LMNTD1: variants seen among roughly 807,000 people sequenced by gnomAD.
LMNTD1 encodes lamin tail domain containing 1.
Under a neutral mutation model 50.9 loss-of-function variants are expected in LMNTD1, and 35 were observed. The ratio of observed to expected loss-of-function variants is 0.69; its 90% confidence interval spans 0.53 to 0.91. The LOEUF (loss-of-function observed/expected upper bound fraction) is 0.91. LMNTD1 is among the 40% of genes least tolerant of loss of function. LMNTD1 has a pLI of 0.00. For synonymous variants in LMNTD1, 153 were observed against 161.9 expected (o/e 0.94, Z 0.42); for missense variants, 470 against 475.5 (o/e 0.99, Z 0.11).
chr12:25,615,322 A>T (rs745432239), intron 1 of LMNTD1, among the ~76,000 whole-genome samples: 18 of 152,168 alleles, frequency 1.2e-4, no homozygotes, highest in Admixed American at 2.6e-4. Context: ...AGAGTGTGTG[A>T]GGTAATTCAG....
intron 1 of LMNTD1, among the ~76,000 whole-genome samples, chr12:25,644,935 G>A (rs1419527121): frequency 6.6e-6 from 1 of 152,190 alleles, no homozygotes; most frequent in Non-Finnish European, 1.5e-5. Context: ...CTTTTTCAAT[G>A]AAGTATGAGT....
intron 1 of LMNTD1, among the ~76,000 whole-genome samples, chr12:25,579,043 C>T (rs186313960): frequency 6.0e-4 from 91 of 152,164 alleles, no homozygotes; most frequent in African/African-American, 1.8e-3. Context: ...AAAGCACTAA[C>T]CTAATCCATG....
At chr12:25,552,725 G>A (rs911775341) in intron 2 of LMNTD1, 146 bp downstream of exon 2, 7 of 621,222 alleles carry the variant, frequency 1.1e-5, no homozygotes, top group Non-Finnish European at 2.0e-5. Context: ...GTATGCTACA[G>A]TCCATTATTT....
At chr12:25,615,658 A>G (rs957462080) in intron 1 of LMNTD1, among the ~76,000 whole-genome samples, 6 of 152,020 alleles carry the variant, frequency 3.9e-5, no homozygotes, top group African/African-American at 1.4e-4. Flanking sequence ...ACAGGGTTTC[A>G]ACATGTTGCC....
At chr12:25,567,578 G>T (rs1336305131) in intron 1 of LMNTD1, among the ~76,000 whole-genome samples, 2 of 152,182 alleles carry the variant, frequency 1.3e-5, no homozygotes, top group East Asian at 1.9e-4. Context: ...GGATCATGGG[G>T]ATTGGTCCCT....
At position 25,518,957 on chromosome 12, in the gene LMNTD1, T is replaced by C; in HGVS notation, c.1027A>G (p.Ile343Val). 6.2e-7 allele frequency: 1 copy of C among 1,614,036 alleles called. No individual in the cohort carries two copies. ...AQVLLKREKE[I>V]PPTVFPNRSP... Reference sequence around the variant, plus strand: ...CGATTAGGGAAAACGGTTGGTGGGATTTCCTTCTCTCTGTAAAAGAAAAAA... The same window carrying C: ...CGATTAGGGAAAACGGTTGGTGGGACTTCCTTCTCTCTGTAAAAGAAAAAA... Residue 343 changes from isoleucine to valine, a missense_variant, in exon 8 of 10, where the codon ATC becomes GTC. Physicochemically the swap from Ile to Val is conservative, Grantham distance 29 (BLOSUM62 3). Coordinates refer to ENST00000458174, the MANE Select transcript of LMNTD1 (RefSeq NM_001145728.2).
intron 1 of LMNTD1, among the ~76,000 whole-genome samples, chr12:25,591,012 G>A (rs1335935212): frequency 1.3e-5 from 2 of 152,188 alleles, no homozygotes; most frequent in Non-Finnish European, 1.5e-5. Context: ...TGGCTACAGA[G>A]TGAGACTCCT....
chr12:25,518,130 T>C (rs182861826), intron 8 of LMNTD1, among the ~76,000 whole-genome samples: 1 of 152,308 alleles, frequency 6.6e-6, no homozygotes, highest in East Asian at 1.9e-4. Flanking sequence ...ATTGCTGGTG[T>C]ACTAAACAGG....
intron 1 of LMNTD1, among the ~76,000 whole-genome samples, chr12:25,648,173 T>G (rs1947113761): frequency 6.6e-6 from 1 of 152,232 alleles, no homozygotes; most frequent in African/African-American, 2.4e-5. Flanking sequence ...ATACCTCTTT[T>G]TACACACTAA....
chr12:25,590,010 A>G (rs1420944072), intron 1 of LMNTD1, among the ~76,000 whole-genome samples: 2 of 152,172 alleles, frequency 1.3e-5, no homozygotes, highest in Admixed American at 1.3e-4. Flanking sequence ...AGAAGTTTCC[A>G]CCAATCATGC....
chr12:25,622,677 G>A lies in LMNTD1; in HGVS notation c.58+25817C>T, dbSNP rs142264133. ...TGCCAGTCACAGTCCTACAAAAGAC[G>A]TGACAGCAAATGTATAGTGTCCAAC... On this transcript the variant is annotated intron_variant, in intron 1 of 7. Coordinates refer to the LMNTD1 transcript ENST00000445693. 9.5e-4 allele frequency among the ~76,000 whole-genome samples: 144 copies of A among 152,198 alleles called. 1 individual carries two copies. Among genetic ancestry groups the A allele is most frequent in the Middle Eastern group, 3.4e-3 (1 of 294 alleles).
intron 1 of LMNTD1, among the ~76,000 whole-genome samples, chr12:25,642,705 A>G (rs1199127815): frequency 6.6e-6 from 1 of 152,234 alleles, no homozygotes; most frequent in Non-Finnish European, 1.5e-5. Context: ...AAAATCTTTT[A>G]ATCTCTTTTA....
At chr12:25,559,191 C>T (rs552374335) in intron 1 of LMNTD1, among the ~76,000 whole-genome samples, 256 of 152,078 alleles carry the variant, frequency 1.7e-3, no homozygotes, top group African/African-American at 6.0e-3. Context: ...GCTATACCTC[C>T]CCCCTGCCCC....
At chr12:25,533,563 T>C (rs1158062354) in intron 4 of LMNTD1, among the ~76,000 whole-genome samples, 1 of 152,218 alleles carries the variant, frequency 6.6e-6, no homozygotes, top group East Asian at 1.9e-4. Flanking sequence ...CCAACCTGTA[T>C]ATACCTAACA....
intron 9 of LMNTD1, among the ~76,000 whole-genome samples, chr12:25,498,920 T>A (rs1024123189): frequency 2.0e-5 from 3 of 152,142 alleles, no homozygotes; most frequent in Non-Finnish European, 4.4e-5. Flanking sequence ...CCTGGTGAAA[T>A]GTAATTCTGA....
intron 9 of LMNTD1, among the ~76,000 whole-genome samples, chr12:25,482,446 C>T (rs780458484): frequency 3.9e-5 from 6 of 151,990 alleles, no homozygotes; most frequent in Admixed American, 6.5e-5. Context: ...TAACACAAAT[C>T]TAAGTGCTAC....
At chr12:25,511,458 A>G (rs1205854385) in intron 8 of LMNTD1, among the ~76,000 whole-genome samples, 2 of 152,144 alleles carry the variant, frequency 1.3e-5, no homozygotes, top group Non-Finnish European at 2.9e-5. Flanking sequence ...GTTGTTCTGA[A>G]CATTCTGAGA....
At chr12:25,583,072 G>A (rs1945369625) in intron 1 of LMNTD1, among the ~76,000 whole-genome samples, 1 of 151,006 alleles carries the variant, frequency 6.6e-6, no homozygotes, top group South Asian at 2.1e-4. Flanking sequence ...GGAGTGCAGT[G>A]GTGCTATCTC....
chr12:25,570,568 C>G (rs1006218127), intron 1 of LMNTD1, among the ~76,000 whole-genome samples: 1 of 152,088 alleles, frequency 6.6e-6, no homozygotes, highest in African/African-American at 2.4e-5. Context: ...GCAGATACAG[C>G]AAAGATGAAC....
Sources: gnomAD v4.1 joint callset for allele counts (sites outside exome capture counted in the v4.1 genomes callset) on GRCh38, gnomAD v4.1.1 for gene constraint, MANE v1.5 for transcripts, NCBI Gene and HGNC (gene_info 2026-07-23, HGNC 2026-07-21) for gene names.